Variants in UCHL5 observed in about 807,000 individuals in gnomAD.
UCHL5 encodes ubiquitin carboxyl-terminal hydrolase isozyme L5.
A neutral mutation model predicts 53.8 loss-of-function variants in UCHL5; 34 were observed. That is an observed-to-expected ratio of 0.63 (90% CI 0.48 to 0.84). UCHL5 has a LOEUF of 0.84. UCHL5 is among the 40% of genes least tolerant of loss of function. The pLI, the probability that UCHL5 is intolerant of heterozygous loss-of-function variation, is 0.00. For synonymous variants in UCHL5, 111 were observed against 126.3 expected (o/e 0.88, Z 0.81); for missense variants, 290 against 385.6 (o/e 0.75, Z 2.08).
chr1:193,028,410 A>G (rs1439430372), intron 6 of UCHL5, among the ~76,000 whole-genome samples: 1 of 152,190 alleles, frequency 6.6e-6, no homozygotes, highest in Admixed American at 6.5e-5. Flanking sequence ...GGGCATGGCA[A>G]AAAGTACAAA....
chr1:193,020,427 T>C (rs776736945), intron 10 of UCHL5: 18 of 1,545,534 alleles, frequency 1.2e-5, no homozygotes, highest in Middle Eastern at 1.7e-4. Flanking sequence ...GGGGAACTTA[T>C]TAAAGAATCC....
In UCHL5 at chr1:193,016,191, G is replaced by C. The variant is rs1218169711; in HGVS notation, c.*160C>G. On this transcript the variant is annotated 3_prime_UTR_variant, in exon 11 of 11. Transcript: ENST00000367454. ...CACTACATGCACATGATGCAGGTAGGGAAGAAGTTTATGAATCCATGCATT... is the reference window on the plus strand; with the variant it reads ...CACTACATGCACATGATGCAGGTAGCGAAGAAGTTTATGAATCCATGCATT... 9.7e-6 allele frequency: 7 copies of C among 723,586 alleles called. No individual in the cohort carries two copies. The highest frequency in any genetic ancestry group is 1.9e-5 in the African/African-American group (1 of 54,026). 44.8% of individuals were successfully genotyped at this position (723,586 alleles called of 1,614,324 possible).
At chr1:193,026,940 T>G (rs1165960945) in intron 7 of UCHL5, among the ~76,000 whole-genome samples, 1 of 152,176 alleles carries the variant, frequency 6.6e-6, no homozygotes, top group Non-Finnish European at 1.5e-5. Flanking sequence ...ACTGATACAC[T>G]TAAAAACTTG....
At chr1:193,039,996 C>A (rs1208897775) in intron 3 of UCHL5, among the ~76,000 whole-genome samples, 3 of 152,028 alleles carry the variant, frequency 2.0e-5, no homozygotes, top group Non-Finnish European at 4.4e-5. Context: ...AAAATCAAAT[C>A]AAAATGGATT....
At position 193,021,191 on chromosome 1, in the gene UCHL5, TC is replaced by T; in HGVS notation, c.847del (p.Glu283ArgfsTer17). On this transcript the variant is annotated frameshift_variant, in exon 10 of 11. Coordinates refer to ENST00000367454, the MANE Select transcript of UCHL5 (RefSeq NM_001199261.3). LOFTEE classifies it high-confidence loss of function. The part of the protein sequence containing the change: ...EVQKLKRYKI[E>X]NIRRKHNYLP... ...ATAATTATGCTTCCTTCTGATATTCTCAATCTGAAAATAAAACATCAATCCA... is the reference window on the plus strand; with the variant it reads ...ATAATTATGCTTCCTTCTGATATTCTAATCTGAAAATAAAACATCAATCCA... 6.3e-7 allele frequency: 1 copy of T among 1,595,882 alleles called. No homozygotes were observed. Among genetic ancestry groups the T allele is most frequent in the Non-Finnish European group, 8.6e-7 (1 of 1,165,656 alleles).
rs1655758714 is a variant in UCHL5, at chr1:193,018,717, C to T, written c.943-2322G>A. 3 of 1,394,060 alleles carry T rather than the reference C, an allele frequency of 2.2e-6. No individual in the cohort carries two copies. In the Admixed American group the frequency reaches 8.9e-5, roughly 41 times the overall value. 86.4% of individuals were successfully genotyped at this position (1,394,060 alleles called of 1,614,324 possible). Reference sequence around the variant, plus strand: ...TGCCTCAGCTATTCAAAAATCTCATCCTGTAGAATCTCAGCATATAGTAGC... The same window carrying T: ...TGCCTCAGCTATTCAAAAATCTCATTCTGTAGAATCTCAGCATATAGTAGC... On this transcript the variant is annotated intron_variant, in intron 10 of 10. Coordinates refer to ENST00000367454, the MANE Select transcript of UCHL5 (RefSeq NM_001199261.3).
At chr1:193,021,967 T>C (rs1251455747) in intron 9 of UCHL5, among the ~76,000 whole-genome samples, 1 of 152,198 alleles carries the variant, frequency 6.6e-6, no homozygotes, top group East Asian at 1.9e-4. Flanking sequence ...AAACTTTGTG[T>C]TGTATTTTGG....
In UCHL5 at chr1:193,023,806, C is replaced by A. The variant is rs565225030; in HGVS notation, c.732+38G>T. ...TAAATACTTTTCCTGAGAGAATAAC[C>A]AAGCTAGAACTTTGTACTTAGAAAC... On this transcript the variant is annotated intron_variant, in intron 8 of 10. Coordinates refer to ENST00000367454, the MANE Select transcript of UCHL5 (RefSeq NM_001199261.3). 16 of 1,477,456 alleles carry A rather than the reference C, an allele frequency of 1.1e-5. No individual in the cohort carries two copies. In the South Asian group the frequency reaches 1.8e-4, roughly 16 times the overall value. 91.5% of individuals were successfully genotyped at this position (1,477,456 alleles called of 1,614,324 possible).
rs1001031332 is a variant in UCHL5 at position 193,049,430 on chromosome 1, C to A, written c.246+316G>T. ...ATCTCAGAAAAAGAAAAAACAAATT[C>A]CTGGGCTCAAGGGATCCTCCTGCCT... On this transcript the variant is annotated intron_variant, in intron 3 of 10. Transcript: ENST00000367454. 4 of 179,850 alleles carry A rather than the reference C, an allele frequency of 2.2e-5. No individual in the cohort carries two copies. In the East Asian group the frequency reaches 5.8e-4, roughly 26 times the overall value. 11.1% of individuals were successfully genotyped at this position (179,850 alleles called of 1,614,324 possible).
intron 9 of UCHL5, 71 bp from the exon 10 acceptor site, chr1:193,021,266 C>CTTTGCA: frequency 9.8e-7 from 1 of 1,024,146 alleles, no homozygotes; most frequent in South Asian, 1.3e-5. Flanking sequence ...TTGCATCCAA[C>CTTTGCA]TCAAAATAGA....
chr1:193,051,069 C>T (rs1668885263), intron 2 of UCHL5, among the ~76,000 whole-genome samples: 1 of 152,188 alleles, frequency 6.6e-6, no homozygotes, highest in African/African-American at 2.4e-5. Context: ...CACCTTCTTA[C>T]TATTAACAAC....
At chr1:193,059,608 C>G, upstream of UCHL5, 1 of 1,437,982 alleles carries the variant, frequency 7.0e-7, no homozygotes. This position sits in a 1 kb window ranked among gnomAD's most constrained non-coding sequence, Gnocchi z 4.9. Flanking sequence ...AGAAGAGGGG[C>G]AGGACTCGTT....
intron 7 of UCHL5, among the ~76,000 whole-genome samples, chr1:193,026,712 T>C (rs948272267): frequency 4.0e-5 from 6 of 151,056 alleles, no homozygotes; most frequent in Admixed American, 1.3e-4. Flanking sequence ...AAAAAAAATA[T>C]CCATTTACCA....
At chr1:193,036,317 C>CAAAAAAAAAA (rs960496083) in intron 3 of UCHL5, among the ~76,000 whole-genome samples, 11 of 50,804 alleles carry the variant, frequency 2.2e-4, no homozygotes, top group Non-Finnish European at 2.7e-4. Flanking sequence ...AACTGGAAAC[C>CAAAAAAAAAA]AAAAAAAAAA....
At chr1:193,037,421 C>T (rs1307706571) in intron 3 of UCHL5, among the ~76,000 whole-genome samples, 1 of 151,618 alleles carries the variant, frequency 6.6e-6, no homozygotes, top group African/African-American at 2.4e-5. Flanking sequence ...TACAACCTAC[C>T]AAGACTGAAC....
upstream of UCHL5, chr1:193,059,775 A>G (rs1036452061): frequency 5.9e-6 from 8 of 1,356,558 alleles, no homozygotes; most frequent in African/African-American, 5.9e-5. This position sits in a 1 kb window ranked among gnomAD's most constrained non-coding sequence, Gnocchi z 4.9. Flanking sequence ...TGCCAGGTAC[A>G]GGTGAGGACA....
At chr1:193,031,756 T>C (rs1661495897) in intron 3 of UCHL5, among the ~76,000 whole-genome samples, 2 of 152,220 alleles carry the variant, frequency 1.3e-5, no homozygotes, top group Non-Finnish European at 2.9e-5. Flanking sequence ...ATGTGGTCCT[T>C]GTCCTCCTAA....
intron 10 of UCHL5, among the ~76,000 whole-genome samples, chr1:193,018,067 CTCAAA>C (rs1427309949): frequency 1.3e-5 from 2 of 151,456 alleles, no homozygotes; most frequent in East Asian, 3.9e-4. Context: ...AAAGTACTGA[CTCAAA>C]TCAGATAATT....
chr1:193,040,447 C>T (rs1031154521), intron 3 of UCHL5, among the ~76,000 whole-genome samples: 6 of 152,134 alleles, frequency 3.9e-5, no homozygotes, highest in Non-Finnish European at 7.4e-5. Context: ...GCAATGTTAT[C>T]ATCTCACCCA....
Sources: allele counts gnomAD v4.1 joint callset (sites outside exome capture counted in the v4.1 genomes callset), GRCh38; gene constraint gnomAD v4.1.1; non-coding constraint Gnocchi (gnomAD v3.1); transcripts MANE v1.5; gene names NCBI Gene and HGNC (gene_info 2026-07-23, HGNC 2026-07-21).